The following DMD variants were observed in gnomAD, a reference collection of about 807,000 sequenced individuals.
DMD encodes mutant dystrophin.
Under a neutral mutation model 330.1 loss-of-function variants are expected in DMD, and 63 were observed. The observed-to-expected ratio is 0.19, with a 90% CI of 0.16 to 0.24. The LOEUF is 0.24. DMD is among the 10% of genes least tolerant of loss of function. DMD has a pLI of 1.00. For synonymous variants in DMD, 1,223 were observed against 959.8 expected (o/e 1.27, Z -5.07); for missense variants, 3,344 against 2,684.1 (o/e 1.25, Z -5.43).
At chrX:31,750,964 G>C (rs1812717401) in intron 51 of DMD, among the ~76,000 whole-genome samples, 1 of 108,055 alleles carries the variant, frequency 9.3e-6, no homozygotes, top group Non-Finnish European at 1.9e-5. Context: ...TCTTCAAGGA[G>C]AACTACAAAC....
At chrX:31,673,129 C>T (rs1312118686) in intron 53 of DMD, among the ~76,000 whole-genome samples, 1 of 112,287 alleles carries the variant, frequency 8.9e-6, no homozygotes, top group Admixed American at 9.4e-5. Context: ...TCTACACTCT[C>T]TGGTGGCTAA....
intron 15 of DMD, among the ~76,000 whole-genome samples, chrX:32,570,283 A>T (rs1055094835): frequency 3.4e-4 from 38 of 112,034 alleles, no homozygotes; most frequent in African/African-American, 1.2e-3. Context: ...TGAACATTAA[A>T]TTCTTATTCA....
intron 9 of DMD, among the ~76,000 whole-genome samples, chrX:32,677,770 G>T (rs1161681628): frequency 1.8e-5 from 2 of 111,566 alleles, no homozygotes; most frequent in African/African-American, 6.5e-5. Flanking sequence ...CAAAAAAAGA[G>T]CAAAATATCA....
chrX:32,118,634 G>A (rs146581298), intron 44 of DMD, among the ~76,000 whole-genome samples: 2 of 111,101 alleles, frequency 1.8e-5, no homozygotes, highest in Non-Finnish European at 3.8e-5. Flanking sequence ...GTGGGGCACA[G>A]CAATCAGTAT....
At chrX:32,122,147 T>C (rs1352482320) in intron 44 of DMD, among the ~76,000 whole-genome samples, 1 of 111,581 alleles carries the variant, frequency 9.0e-6, no homozygotes, top group Non-Finnish European at 1.9e-5. Flanking sequence ...CTTTCTAAAA[T>C]TCAGGCCTGT....
intron 1 of DMD, among the ~76,000 whole-genome samples, chrX:33,120,196 C>A (rs2148481275): frequency 9.0e-6 from 1 of 111,727 alleles, no homozygotes; most frequent in South Asian, 3.7e-4. Flanking sequence ...GTTTATCTGG[C>A]AATTGATTAC....
At chrX:32,331,490 T>C (rs887886693) in intron 41 of DMD, among the ~76,000 whole-genome samples, 5 of 111,761 alleles carry the variant, frequency 4.5e-5, no homozygotes, top group Non-Finnish European at 9.4e-5. Flanking sequence ...CTGAAAAATA[T>C]ATTAATCATA....
At chrX:31,476,928 A>T (rs1461078463) in intron 59 of DMD, among the ~76,000 whole-genome samples, 2 of 111,790 alleles carry the variant, frequency 1.8e-5, no homozygotes, top group Admixed American at 1.9e-4. Context: ...GTGAAAATGC[A>T]GAAGGGTTTA....
At chrX:33,208,363 T>C (rs182192088) in intron 1 of DMD, among the ~76,000 whole-genome samples, 8 of 111,613 alleles carry the variant, frequency 7.2e-5, no homozygotes, top group African/African-American at 1.9e-4. Flanking sequence ...CATCTCTTCA[T>C]ACAGAGGTGA....
At chrX:32,764,495 T>C (rs2072724081) in intron 7 of DMD, among the ~76,000 whole-genome samples, 3 of 111,297 alleles carry the variant, frequency 2.7e-5, no homozygotes, top group African/African-American at 9.8e-5. Flanking sequence ...ACCATTCTAC[T>C]TTATCTATGC....
chrX:32,451,792 T>G (rs1223899075), intron 26 of DMD, among the ~76,000 whole-genome samples: 1 of 110,621 alleles, frequency 9.0e-6, no homozygotes, highest in Non-Finnish European at 1.9e-5. Context: ...TGAAGTTGCC[T>G]TAAAGAAACT....
chrX:33,232,317 C>T (rs2052402343), intron 1 of DMD, among the ~76,000 whole-genome samples: 1 of 111,812 alleles, frequency 8.9e-6, no homozygotes, highest in East Asian at 2.8e-4. Context: ...CTTCCTATTC[C>T]TGATTGATCT....
At chrX:33,049,198 T>C (rs1182618726) in intron 1 of DMD, among the ~76,000 whole-genome samples, 1 of 112,048 alleles carries the variant, frequency 8.9e-6, no homozygotes, top group African/African-American at 3.2e-5. Context: ...GTTGCAATGT[T>C]TCTAAAGTCA....
In DMD at chrX:31,289,899, T is replaced by TTTATTATTA. The variant is rs200740564; in HGVS notation, c.9225-28892_9225-28884dup. Among the ~76,000 whole-genome samples, 45 of 93,559 alleles carry TTTATTATTA rather than the reference T, an allele frequency of 4.8e-4. No homozygotes were observed. The South Asian group carries it at 7.8e-3, about 16-fold the overall frequency. 81.2% of individuals were successfully genotyped at this position (93,559 alleles called of 115,157 possible). Reference sequence around the variant, plus strand: ...TATAGTCACTTAGGTTATTATTCTGTTTATTATTATTATTATTATTATTAT... The same window carrying TTTATTATTA: ...TATAGTCACTTAGGTTATTATTCTGTTTATTATTATTATTATTATTATTATTATTATTAT... On this transcript the variant is annotated intron_variant, in intron 62 of 78. Transcript: ENST00000357033.
At chrX:32,952,972 T>C (rs1309260624) in intron 2 of DMD, among the ~76,000 whole-genome samples, 1 of 109,018 alleles carries the variant, frequency 9.2e-6, no homozygotes, top group Non-Finnish European at 1.9e-5. Flanking sequence ...CCGTCTCTAC[T>C]AAAAATACAA....
intron 64 of DMD, among the ~76,000 whole-genome samples, chrX:31,212,164 ATATGTGTGTGTG>A (rs763917819): frequency 0.041 from 3,767 of 90,914 alleles, 92 homozygotes; most frequent in East Asian, 0.14. Flanking sequence ...ATATATATAT[ATATGTGTGTGTG>A]TATGTGTGTG....
At chrX:32,804,209 C>G (rs1244210516) in intron 7 of DMD, among the ~76,000 whole-genome samples, 4 of 111,938 alleles carry the variant, frequency 3.6e-5, no homozygotes, top group Non-Finnish European at 5.6e-5. Context: ...CGGAGCCCAG[C>G]AAGCTGAGAT....
intron 6 of DMD, among the ~76,000 whole-genome samples, chrX:32,809,821 C>A (rs891054125): frequency 4.8e-5 from 5 of 105,230 alleles, no homozygotes; most frequent in Non-Finnish European, 9.7e-5. Context: ...GTGGCTCATG[C>A]CTGTAATCTC....
In DMD at chrX:32,468,685, T is replaced by G; in HGVS notation, c.2975A>C (p.Gln992Pro). 1 of 1,211,179 alleles carries G rather than the reference T, an allele frequency of 8.3e-7. No individual in the cohort carries two copies. The highest frequency in any genetic ancestry group is 1.8e-5 in the South Asian group (1 of 56,952). The stretch of plus-strand genomic sequence containing the variant: ...GCTGAGATAGTATAGGCCACTTTGT[T>G]GCTCTTGCAGAGAACTTTGTAAAGC... ...LQALQSSLQE[Q>P]QSGLYYLSTT... The change falls in exon 23 of 79, where the codon CAA (glutamine) becomes CCA (proline). Residue 992 changes from glutamine to proline, a missense_variant. Coordinates refer to ENST00000357033, the MANE Select transcript of DMD (RefSeq NM_004006.3).
Sources: gnomAD v4.1 joint callset for allele counts (sites outside exome capture counted in the v4.1 genomes callset) on GRCh38, gnomAD v4.1.1 for gene constraint, MANE v1.5 for transcripts, NCBI Gene and HGNC (gene_info 2026-07-23, HGNC 2026-07-21) for gene names.